Variants in BLNK observed in about 807,000 individuals in gnomAD.
BLNK encodes B-cell linker protein.
A neutral mutation model predicts 73.5 loss-of-function variants in BLNK; 29 were observed. The observed-to-expected ratio is 0.39, with a 90% confidence interval of 0.29 to 0.54. BLNK has a LOEUF of 0.54. Ranked by LOEUF, BLNK falls within the 20% of genes least tolerant of loss-of-function variation. BLNK has a pLI of 0.61. For synonymous variants in BLNK, 176 were observed against 200.8 expected, an observed-to-expected ratio of 0.88 and a Z score of 1.04; for missense variants, 460 against 562.8, an observed-to-expected ratio of 0.82 and a Z score of 1.85.
At chr10:96,223,450 T>C (rs967825189) in intron 6 of BLNK, among the ~76,000 whole-genome samples, 1 of 152,082 alleles carries the variant, frequency 6.6e-6, no homozygotes, top group Non-Finnish European at 1.5e-5. Flanking sequence ...GAGGCAAGAA[T>C]TGAGGTTGCT....
At chr10:96,207,792 G>A in intron 10 of BLNK, 80 bp downstream of exon 10, 1 of 1,529,958 alleles carries the variant, frequency 6.5e-7, no homozygotes. Context: ...ATAGCTGGAA[G>A]CATTTTCAAC....
intron 13 of BLNK, among the ~76,000 whole-genome samples, chr10:96,201,736 C>CTGCA (rs1370808652): frequency 1.3e-5 from 1 of 75,864 alleles, no homozygotes; most frequent in Non-Finnish European, 3.2e-5. Flanking sequence ...AAAGACTTAT[C>CTGCA]TGCATTCATT....
chr10:96,244,301 A>G (rs947811425), intron 2 of BLNK, among the ~76,000 whole-genome samples: 1 of 152,216 alleles, frequency 6.6e-6, no homozygotes, highest in Admixed American at 6.5e-5. Flanking sequence ...GGAATAGTAA[A>G]ATTTCCAAAA....
chr10:96,252,412 T>G (rs1554909415), intron 1 of BLNK, among the ~76,000 whole-genome samples: 1 of 152,234 alleles, frequency 6.6e-6, no homozygotes, highest in South Asian at 2.1e-4. Context: ...CCATCCTTTG[T>G]GCATGTCTAT....
intron 8 of BLNK, among the ~76,000 whole-genome samples, chr10:96,211,012 C>G (rs1323353315): frequency 6.6e-6 from 1 of 151,856 alleles, no homozygotes; most frequent in Non-Finnish European, 1.5e-5. Flanking sequence ...GCTGGGACTA[C>G]AGGCATGCAC....
chr10:96,251,034 A>G (rs957840722), intron 1 of BLNK, among the ~76,000 whole-genome samples: 12 of 152,252 alleles, frequency 7.9e-5, no homozygotes, highest in Admixed American at 2.6e-4. Context: ...TGCTGAACAC[A>G]TTCCAAATCT....
In BLNK at chr10:96,200,797, C is replaced by G. The variant is rs1313225068; in HGVS notation, c.1011+185G>C. Among the ~76,000 whole-genome samples, 1 of 152,138 alleles carries G rather than the reference C, an allele frequency of 6.6e-6. No individual in the cohort carries two copies. Among genetic ancestry groups the G allele is most frequent in the Non-Finnish European group, 1.5e-5 (1 of 68,016 alleles). On this transcript the variant is annotated intron_variant, in intron 14 of 16. Coordinates refer to ENST00000224337, the MANE Select transcript of BLNK (RefSeq NM_013314.4). The surrounding 1 kb of genome is among the most constrained non-coding windows in gnomAD (Gnocchi z 4.3). ...GAGGAAACATTAACTGGAGCAATGT[C>G]TTAGTCATTGAAAAAAAACAACAAC...
rs990774962 is a variant in BLNK at position 96,191,430 on chromosome 10, T to C, written c.*543A>G. On this transcript the variant is annotated 3_prime_UTR_variant, in exon 17 of 17. Transcript: ENST00000224337. Reference sequence around the variant, plus strand: ...TAGACAAGAACTTATAGAAAGTTCATATCCATATATATATATATCCCATGG... The same window carrying C: ...TAGACAAGAACTTATAGAAAGTTCACATCCATATATATATATATCCCATGG... 6.6e-6 allele frequency among the ~76,000 whole-genome samples: 1 copy of C among 152,082 alleles called. No individual in the cohort carries two copies. The highest frequency in any genetic ancestry group is 1.5e-5 in the Non-Finnish European group (1 of 68,010).
chr10:96,259,592 G>C (rs1232491103), intron 1 of BLNK, among the ~76,000 whole-genome samples: 1 of 150,168 alleles, frequency 6.7e-6, no homozygotes, highest in Non-Finnish European at 1.5e-5. Flanking sequence ...GCATCTTGCT[G>C]CCAGGGCTGT....
chr10:96,195,493 A>G (rs1037809319), intron 16 of BLNK, among the ~76,000 whole-genome samples: 15 of 152,244 alleles, frequency 9.9e-5, no homozygotes. Context: ...AAGGAAGGAA[A>G]TCCTAACACA....
intron 1 of BLNK, among the ~76,000 whole-genome samples, chr10:96,268,279 C>A (rs1298248093): frequency 2.0e-5 from 3 of 152,144 alleles, no homozygotes; most frequent in African/African-American, 7.2e-5. Flanking sequence ...GGGATATTTG[C>A]AAAGTGATTC....
At chr10:96,231,599 T>C (rs1554904007) in intron 3 of BLNK, among the ~76,000 whole-genome samples, 2 of 151,962 alleles carry the variant, frequency 1.3e-5, no homozygotes, top group East Asian at 1.9e-4. Context: ...TGGTGGTCCA[T>C]ATCTGTAGTT....
intron 13 of BLNK, among the ~76,000 whole-genome samples, chr10:96,202,161 T>C (rs761435292): frequency 2.0e-4 from 31 of 152,082 alleles, no homozygotes; most frequent in Non-Finnish European, 3.8e-4. Context: ...GGACCAGATT[T>C]ATAGGACTTG....
At chr10:96,214,436 G>A (rs974895053) in intron 8 of BLNK, among the ~76,000 whole-genome samples, 15 of 152,158 alleles carry the variant, frequency 9.9e-5, no homozygotes, top group African/African-American at 2.9e-4. Flanking sequence ...AGTCCTTGTC[G>A]CTGAGGAGAG....
chr10:96,197,416 C>G lies in BLNK; in HGVS notation c.1096-353G>C, dbSNP rs940551166. ...AACTCCTGAGTTCAAGCGATCCTCC[C>G]ACCTCAGCCTCCTGAGTACCTGGGA... On this transcript the variant is annotated intron_variant, in intron 15 of 16. Transcript: ENST00000224337. Among the ~76,000 whole-genome samples, 12 of 152,252 alleles carry G rather than the reference C, an allele frequency of 7.9e-5. No homozygotes were observed. The South Asian group carries it at 2.5e-3, about 32-fold the overall frequency.
intron 5 of BLNK, among the ~76,000 whole-genome samples, chr10:96,224,633 T>C (rs1407331967): frequency 1.3e-5 from 2 of 152,240 alleles, no homozygotes. Flanking sequence ...TCACTAGCTG[T>C]GCTCTTTGGG....
chr10:96,203,077 T>C (rs1591301699), intron 13 of BLNK, among the ~76,000 whole-genome samples: 1 of 152,346 alleles, frequency 6.6e-6, no homozygotes, highest in East Asian at 1.9e-4. Context: ...TCTCCTTCAG[T>C]AGAATATAAG....
rs2083331296 is a variant in BLNK at position 96,191,626 on chromosome 10, G to A, written c.*347C>T. ...ACATTAGTGTACCAATGATCATTGTGGAGGTTTAAATTTCCAGCCACTTTG... is the reference window on the plus strand; with the variant it reads ...ACATTAGTGTACCAATGATCATTGTAGAGGTTTAAATTTCCAGCCACTTTG... On this transcript the variant is annotated 3_prime_UTR_variant, in exon 17 of 17. Transcript: ENST00000224337. The A allele has an allele frequency of 4.6e-6, 1 of 218,496 alleles. No homozygotes were observed. The highest frequency in any genetic ancestry group is 9.1e-6 in the Non-Finnish European group (1 of 109,372). 13.5% of individuals were successfully genotyped at this position (218,496 alleles called of 1,614,324 possible). A position where few individuals can be genotyped will look rare whatever the true frequency, so the allele number is the denominator to read the frequency against.
intron 1 of BLNK, among the ~76,000 whole-genome samples, chr10:96,253,935 G>A (rs1250639158): frequency 6.6e-6 from 1 of 151,890 alleles, no homozygotes; most frequent in Non-Finnish European, 1.5e-5. Flanking sequence ...ACAGGAGAAT[G>A]GCATGGACCC....
Sources: allele counts gnomAD v4.1 joint callset (sites outside exome capture counted in the v4.1 genomes callset), GRCh38; gene constraint gnomAD v4.1.1; non-coding constraint Gnocchi (gnomAD v3.1); transcripts MANE v1.5; gene names NCBI Gene and HGNC (gene_info 2026-07-23, HGNC 2026-07-21).